The following MMP26 variants were observed in gnomAD, a reference collection of about 807,000 sequenced individuals.
The protein encoded by MMP26 is matrix metallopeptidase 26, also known as matrix metalloproteinase-26.
MMP26 carries 33 observed loss-of-function variants against 31.0 expected under a neutral mutation model. The ratio of observed to expected loss-of-function variants is 1.06; its 90% CI spans 0.81 to 1.42. MMP26 has a LOEUF of 1.42. Among genes scored for constraint, MMP26 ranks in the 40% most tolerant of loss-of-function variants. MMP26 has a pLI of 0.00. For synonymous variants in MMP26, 122 were observed against 114.9 expected (o/e 1.06, Z -0.40); for missense variants, 347 against 316.1 (o/e 1.10, Z -0.74).
chr11:4,757,937 C>A (rs1848524670), intron 1 of MMP26, among the ~76,000 whole-genome samples: 1 of 152,000 alleles, frequency 6.6e-6, no homozygotes, highest in South Asian at 2.1e-4. Context: ...CTTTGAAAAA[C>A]AGATTGACAG....
chr11:4,859,543 T>C (rs1850110950), intron 2 of MMP26: 1 of 368,630 alleles, frequency 2.7e-6, no homozygotes, highest in Non-Finnish European at 5.4e-6. Flanking sequence ...ACCATAACTG[T>C]GGAAAATTAA....
chr11:4,988,407 A>C, intron 3 of MMP26, 97 bp downstream of exon 3: 1 of 857,808 alleles, frequency 1.2e-6, no homozygotes, highest in Non-Finnish European at 2.0e-6. Flanking sequence ...TATAATGATA[A>C]ATACACACAT....
chr11:4,934,722 A>G (rs373437275), intron 2 of MMP26, among the ~76,000 whole-genome samples: 1 of 147,988 alleles, frequency 6.8e-6, no homozygotes, highest in Non-Finnish European at 1.5e-5. Flanking sequence ...TAACGTTTAA[A>G]TCTTTAATCC....
chr11:4,991,534 G>A (rs1303022394), intron 6 of MMP26, 38 bp downstream of exon 6: 14 of 1,604,394 alleles, frequency 8.7e-6, no homozygotes, highest in Non-Finnish European at 1.2e-5. Context: ...AGAACTCTCT[G>A]GGAACCTGGG....
chr11:4,886,484 C>T (rs758510779), intron 2 of MMP26, among the ~76,000 whole-genome samples: 11 of 151,930 alleles, frequency 7.2e-5, no homozygotes, highest in Non-Finnish European at 1.0e-4. Flanking sequence ...TGGTCAGCAC[C>T]GGGTACATTC....
At position 4,992,099 on chromosome 11, in the gene MMP26, A is replaced by G; in HGVS notation, c.731A>G (p.Asp244Gly). 2.5e-6 allele frequency: 4 copies of G among 1,613,496 alleles called. No homozygotes were observed. The highest frequency in any genetic ancestry group is 3.4e-6 in the Non-Finnish European group (4 of 1,179,832). The change falls in exon 7 of 8, where the codon GAT becomes GGT. Residue 244 changes from aspartate to glycine, a missense_variant. Coordinates refer to ENST00000380390, the MANE Select transcript of MMP26 (RefSeq NM_021801.5). ...AGAACCTTCCAGCTCAGTGCCGATG[A>G]TATCCAAAGGATCCAGCATTTGTAT... is the stretch of plus-strand genomic sequence containing the variant. The part of the protein sequence containing the change: ...DPRTFQLSAD[D>G]IQRIQHLYGE...
chr11:4,959,926 T>A (rs1473903934), intron 2 of MMP26, among the ~76,000 whole-genome samples: 1 of 152,150 alleles, frequency 6.6e-6, no homozygotes, highest in African/African-American at 2.4e-5. Context: ...ACCTTTAGAC[T>A]CACAATCCAT....
rs773221946 is a variant in MMP26, at chr11:4,989,628, T to A, written c.100-20T>A. The A allele has an allele frequency of 2.5e-6, 4 of 1,596,104 alleles. No individual in the cohort carries two copies. Among genetic ancestry groups the A allele is most frequent in the Non-Finnish European group, 3.4e-6 (4 of 1,170,532 alleles). On this transcript the variant is annotated intron_variant, in intron 3 of 7. Coordinates refer to ENST00000380390, the MANE Select transcript of MMP26 (RefSeq NM_021801.5). ...CTTCCCTATTGACTCTTAGTACTCA[T>A]CCTTCTTGATCTGATTCAGGGCTAT...
At chr11:4,954,297 G>T (rs1846404583) in intron 2 of MMP26, among the ~76,000 whole-genome samples, 2 of 123,228 alleles carry the variant, frequency 1.6e-5, no homozygotes, top group African/African-American at 5.5e-5. Flanking sequence ...TCACTACCTG[G>T]GTCCAATACC....
rs1391252818 is a variant in MMP26, at chr11:4,736,061, AATGTGAGGTCACTG to A, written c.-217+31019_-217+31032del. On this transcript the variant is annotated intron_variant, in intron 1 of 7. Transcript: ENST00000380390. ...CCTATGCAACCTTCTACTTAAAAAA[AATGTGAGGTCACTG>A]ATATAAGGGATTATTGATTAAACAC... The A allele has an allele frequency of 1.3e-5, 2 of 152,226 alleles. 1 individual carries two copies. The highest frequency in any genetic ancestry group is 2.9e-5 in the Non-Finnish European group (2 of 68,038). 9.4% of individuals were successfully genotyped at this position (152,226 alleles called of 1,614,324 possible). A position where few individuals can be genotyped will look rare whatever the true frequency, so the allele number is the denominator to read the frequency against.
At chr11:4,917,016 T>G (rs944469384) in intron 2 of MMP26, among the ~76,000 whole-genome samples, 1 of 152,202 alleles carries the variant, frequency 6.6e-6, no homozygotes, top group Non-Finnish European at 1.5e-5. Flanking sequence ...GCCTCCTGAC[T>G]TCCACAGCAG....
At chr11:4,869,613 G>C (rs1462993928) in intron 2 of MMP26, among the ~76,000 whole-genome samples, 1 of 152,312 alleles carries the variant, frequency 6.6e-6, no homozygotes, top group East Asian at 1.9e-4. Flanking sequence ...CTTTTACACT[G>C]TTGGTGGGAC....
chr11:4,867,879 A>T lies in MMP26; in HGVS notation c.-145+100538A>T, dbSNP rs558337792. Among the ~76,000 whole-genome samples, 3 of 152,276 alleles carry T rather than the reference A, an allele frequency of 2.0e-5. No homozygotes were observed. The South Asian group carries it at 6.2e-4, about 32-fold the overall frequency. On this transcript the variant is annotated intron_variant, in intron 2 of 7. Coordinates refer to ENST00000380390, the MANE Select transcript of MMP26 (RefSeq NM_021801.5). ...GGCAGAAATACCATTTGACCGAGAAATCCCATTACTGGGTATATACCTAAA... is the reference window on the plus strand; with the variant it reads ...GGCAGAAATACCATTTGACCGAGAATTCCCATTACTGGGTATATACCTAAA...
chr11:4,949,676 C>A (rs1846352173), intron 2 of MMP26, among the ~76,000 whole-genome samples: 1 of 117,802 alleles, frequency 8.5e-6, no homozygotes. Context: ...ACAAAATCTC[C>A]AAAAAAATGA....
intron 2 of MMP26, among the ~76,000 whole-genome samples, chr11:4,930,623 G>A (rs1015876226): frequency 7.2e-5 from 11 of 151,896 alleles, no homozygotes; most frequent in South Asian, 2.1e-4. Flanking sequence ...CAAAATAGAC[G>A]TCTTTAATCA....
intron 2 of MMP26, chr11:4,848,715 A>C: frequency 1.9e-6 from 3 of 1,614,128 alleles, no homozygotes; most frequent in Non-Finnish European, 2.5e-6. Context: ...TGGCAGGGGC[A>C]GATGGAGACC....
intron 2 of MMP26, among the ~76,000 whole-genome samples, chr11:4,780,882 T>G (rs2133431521): frequency 6.6e-6 from 1 of 151,692 alleles, no homozygotes; most frequent in African/African-American, 2.4e-5. Context: ...TAAATCTTTA[T>G]AGGTAAATAT....
intron 2 of MMP26, among the ~76,000 whole-genome samples, chr11:4,825,094 G>C (rs2133475532): frequency 6.6e-6 from 1 of 152,226 alleles, no homozygotes; most frequent in South Asian, 2.1e-4. Context: ...CAGTTCTTGT[G>C]GAGGAAAGGT....
At chr11:4,821,760 G>A (rs1033058177) in intron 2 of MMP26, 2 of 1,613,826 alleles carry the variant, frequency 1.2e-6, no homozygotes, top group African/African-American at 1.3e-5. Context: ...CTTTCATGGA[G>A]TCTGGGGTTC....
Sources: gnomAD v4.1 joint callset for allele counts (sites outside exome capture counted in the v4.1 genomes callset) on GRCh38, gnomAD v4.1.1 for gene constraint, MANE v1.5 for transcripts, NCBI Gene and HGNC (gene_info 2026-07-23, HGNC 2026-07-21) for gene names.